Variants in UNC5C observed in about 807,000 individuals in gnomAD.
UNC5C encodes unc-5 netrin receptor C, also known as netrin receptor UNC5C.
In UNC5C, 47 loss-of-function variants were observed where a neutral mutation model predicts 99.8. The observed-to-expected ratio is 0.47, with a 90% CI of 0.37 to 0.60. UNC5C has a LOEUF of 0.60. Ranked by LOEUF, UNC5C falls within the 20% of genes least tolerant of loss-of-function variation. The probability of loss-of-function intolerance (pLI) is 0.00; values close to 1 mark genes in which losing one functional copy is unlikely to be tolerated. For missense variants in UNC5C, 1,062 were observed against 1,165.9 expected, an observed-to-expected ratio of 0.91 and a Z score of 1.30; for synonymous variants, 487 against 452.2, an observed-to-expected ratio of 1.08 and a Z score of -0.98.
intron 4 of UNC5C, among the ~76,000 whole-genome samples, chr4:95,251,584 C>T (rs1739733587): frequency 6.6e-6 from 1 of 152,142 alleles, no homozygotes; most frequent in Non-Finnish European, 1.5e-5. Context: ...TTTTGTTTTT[C>T]TATGCACAGT....
chr4:95,167,503 C>G lies in UNC5C; in HGVS notation c.*1731G>C, dbSNP rs975984415. On this transcript the variant is annotated 3_prime_UTR_variant, in exon 16 of 16. Transcript: ENST00000453304. ...AAAGATTAAGGGTGGGGGGGTGTAG[C>G]GTAGAAAAAAATGCACCAAGTTCCT... 6.6e-6 allele frequency: 1 copy of G among 151,910 alleles called. No individual in the cohort carries two copies. Among genetic ancestry groups the G allele is most frequent in the Non-Finnish European group, 1.5e-5 (1 of 68,008 alleles). 9.4% of individuals were successfully genotyped at this position (151,910 alleles called of 1,614,324 possible). A position where few individuals can be genotyped will look rare whatever the true frequency, so the allele number is the denominator to read the frequency against.
chr4:95,328,436 G>C lies in UNC5C; in HGVS notation c.346+6974C>G, dbSNP rs1253895053. 3.9e-5 allele frequency among the ~76,000 whole-genome samples: 5 copies of C among 126,742 alleles called. No homozygotes were observed. The Admixed American group carries it at 4.7e-4, about 12-fold the overall frequency. 83.1% of individuals were successfully genotyped at this position (126,742 alleles called of 152,430 possible). On this transcript the variant is annotated intron_variant, in intron 2 of 15. Transcript: ENST00000453304. ...CTGCATAGTATTCCATGGTGTATAT[G>C]TGCCACATTTTCTTAATCCAGTCTA...
At chr4:95,378,675 T>C (rs1560810788) in intron 1 of UNC5C, among the ~76,000 whole-genome samples, 1 of 152,170 alleles carries the variant, frequency 6.6e-6, no homozygotes, top group African/African-American at 2.4e-5. Flanking sequence ...CTTCAAACTG[T>C]ATTTGATTGT....
chr4:95,317,707 G>C (rs746889917), intron 2 of UNC5C, among the ~76,000 whole-genome samples: 2 of 152,240 alleles, frequency 1.3e-5, no homozygotes, highest in Non-Finnish European at 2.9e-5. Context: ...GACTGGGGGA[G>C]GCCTCAGAAA....
At chr4:95,532,065 A>T (rs982401303) in intron 1 of UNC5C, among the ~76,000 whole-genome samples, 2 of 152,228 alleles carry the variant, frequency 1.3e-5, no homozygotes, top group Non-Finnish European at 2.9e-5. Context: ...AAAATTGACC[A>T]AACCAGTTAG....
rs1201499611 is a variant in UNC5C at position 95,168,907 on chromosome 4, A to T, written c.*327T>A. 4.5e-6 allele frequency: 1 copy of T among 220,870 alleles called. No homozygotes were observed. Among genetic ancestry groups the T allele is most frequent in the African/African-American group, 2.2e-5 (1 of 44,462 alleles). The allele number at this position is 220,870 out of a possible 1,614,324, so 13.7% of individuals were successfully genotyped here. On this transcript the variant is annotated 3_prime_UTR_variant, in exon 16 of 16. Coordinates refer to ENST00000453304, the MANE Select transcript of UNC5C (RefSeq NM_003728.4). The stretch of plus-strand genomic sequence containing the variant: ...TTGGGTTTGTTAAGAAAGTTTATCC[A>T]TATATCTGGATAGCAATAAAAAGCG...
intron 1 of UNC5C, among the ~76,000 whole-genome samples, chr4:95,395,299 G>A (rs1745478896): frequency 6.6e-6 from 1 of 152,152 alleles, no homozygotes; most frequent in Non-Finnish European, 1.5e-5. Flanking sequence ...TAGTCTAGTT[G>A]TATGGTCAAA....
At chr4:95,496,096 A>AT (rs1328108043) in intron 1 of UNC5C, among the ~76,000 whole-genome samples, 1 of 151,832 alleles carries the variant, frequency 6.6e-6, no homozygotes, top group Admixed American at 6.6e-5. Context: ...GGACTAGAAG[A>AT]TTACACTACT....
chr4:95,538,535 T>A (rs1722835343), intron 1 of UNC5C, among the ~76,000 whole-genome samples: 1 of 152,204 alleles, frequency 6.6e-6, no homozygotes, highest in South Asian at 2.1e-4. Context: ...CTGAAAACTT[T>A]GTAATGCATT....
chr4:95,249,874 G>A (rs1402767700), intron 5 of UNC5C, among the ~76,000 whole-genome samples: 1 of 152,190 alleles, frequency 6.6e-6, no homozygotes, highest in Non-Finnish European at 1.5e-5. Flanking sequence ...AGTAGAATGA[G>A]TTATAAGAAG....
At chr4:95,529,361 A>G (rs1722580905) in intron 1 of UNC5C, among the ~76,000 whole-genome samples, 1 of 147,292 alleles carries the variant, frequency 6.8e-6, no homozygotes, top group Non-Finnish European at 1.5e-5. Context: ...TATATATTAT[A>G]TATATACATA....
At chr4:95,316,971 T>C (rs1301307042) in intron 2 of UNC5C, among the ~76,000 whole-genome samples, 2 of 62,578 alleles carry the variant, frequency 3.2e-5, no homozygotes, top group Admixed American at 2.9e-4. Context: ...GAAATCTCAC[T>C]GCTCAGAAAA....
At chr4:95,373,618 G>A (rs564738522) in intron 1 of UNC5C, among the ~76,000 whole-genome samples, 12 of 152,070 alleles carry the variant, frequency 7.9e-5, no homozygotes, top group Non-Finnish European at 1.5e-4. Context: ...TGTTTGTTTC[G>A]CGGCTGTATC....
intron 1 of UNC5C, among the ~76,000 whole-genome samples, chr4:95,442,781 C>G (rs1746988427): frequency 6.6e-6 from 1 of 151,846 alleles, no homozygotes; most frequent in South Asian, 2.1e-4. Context: ...TCCTTAATTT[C>G]TTTCCTAAAA....
At chr4:95,446,803 T>C (rs9307160) in intron 1 of UNC5C, among the ~76,000 whole-genome samples, 44,684 of 151,444 alleles carry the variant, frequency 0.3, 6,867 homozygotes, top group African/African-American at 0.34. Flanking sequence ...ATCCGTTCAT[T>C]TTCTGCGATT....
intron 1 of UNC5C, among the ~76,000 whole-genome samples, chr4:95,470,894 T>C (rs184014041): frequency 1.6e-4 from 24 of 152,186 alleles, no homozygotes; most frequent in African/African-American, 5.8e-4. Flanking sequence ...AAAAAAGAAG[T>C]ATGAAATATT....
chr4:95,202,711 G>T lies in UNC5C; in HGVS notation c.2136+20C>A, dbSNP rs763905397. 1 of 1,610,618 alleles carries T rather than the reference G, an allele frequency of 6.2e-7. No homozygotes were observed. The highest frequency in any genetic ancestry group is 8.5e-7 in the Non-Finnish European group (1 of 1,178,056). On this transcript the variant is annotated intron_variant, in intron 12 of 15. Transcript: ENST00000453304. ...TTCCAGGTGGAGGTGAAGAGGGCAGGCTAGGTGGGAGGCACTTACCTTCAG... is the reference window on the plus strand; with the variant it reads ...TTCCAGGTGGAGGTGAAGAGGGCAGTCTAGGTGGGAGGCACTTACCTTCAG...
chr4:95,429,055 GCAACTTGAGA>G (rs1037769458), intron 1 of UNC5C, among the ~76,000 whole-genome samples: 14 of 151,930 alleles, frequency 9.2e-5, no homozygotes, highest in Non-Finnish European at 2.1e-4. Flanking sequence ...TTTAAGGAGG[GCAACTTGAGA>G]AAGCAGAACC....
intron 14 of UNC5C, among the ~76,000 whole-genome samples, chr4:95,172,416 A>T (rs1485140053): frequency 6.6e-6 from 1 of 152,016 alleles, no homozygotes; most frequent in Non-Finnish European, 1.5e-5. Context: ...TGATTTTTGT[A>T]TAAGGTGTAA....
Sources: gnomAD v4.1 joint callset for allele counts (sites outside exome capture counted in the v4.1 genomes callset) on GRCh38, gnomAD v4.1.1 for gene constraint, MANE v1.5 for transcripts, NCBI Gene and HGNC (gene_info 2026-07-23, HGNC 2026-07-21) for gene names.